The following DGCR2 variants were observed in gnomAD, a reference collection of about 807,000 sequenced individuals.
DGCR2 encodes integral membrane protein DGCR2/IDD.
Under a neutral mutation model 51.6 loss-of-function variants are expected in DGCR2, and 24 were observed. The ratio of observed to expected loss-of-function variants is 0.47; its 90% CI spans 0.34 to 0.65. The LOEUF (loss-of-function observed/expected upper bound fraction) is 0.65. Ranked by LOEUF, DGCR2 falls within the 30% of genes least tolerant of loss-of-function variation. The pLI is 0.01. For synonymous variants in DGCR2, 340 were observed against 315.4 expected, an observed-to-expected ratio of 1.08 and a Z score of -0.82; for missense variants, 765 against 772.1, an observed-to-expected ratio of 0.99 and a Z score of 0.11.
At chr22:19,092,295 G>T (rs1216388744) in intron 1 of DGCR2, among the ~76,000 whole-genome samples, 1 of 151,256 alleles carries the variant, frequency 6.6e-6, no homozygotes, top group Non-Finnish European at 1.5e-5. Context: ...AGGAAGCCAA[G>T]ATTACACAAC....
At chr22:19,113,135 G>C (rs1294376706) in intron 1 of DGCR2, among the ~76,000 whole-genome samples, 1 of 152,154 alleles carries the variant, frequency 6.6e-6, no homozygotes, top group Non-Finnish European at 1.5e-5. Flanking sequence ...ACTTTGGGAG[G>C]TGGAGGTAGG....
intron 4 of DGCR2, 56 bp from the exon 5 acceptor site, chr22:19,063,334 C>G (rs2082708439): frequency 6.5e-7 from 1 of 1,531,164 alleles, no homozygotes; most frequent in Non-Finnish European, 9.0e-7. Flanking sequence ...ATGCAACCAT[C>G]AATGACTGTG....
intron 2 of DGCR2, among the ~76,000 whole-genome samples, chr22:19,082,685 G>A (rs555982435): frequency 6.6e-6 from 1 of 152,080 alleles, no homozygotes; most frequent in Non-Finnish European, 1.5e-5. Context: ...AGGAGGTGGA[G>A]GTTGCAGTGA....
chr22:19,045,002 T>C (rs2082473399), intron 7 of DGCR2, among the ~76,000 whole-genome samples: 1 of 152,252 alleles, frequency 6.6e-6, no homozygotes, highest in East Asian at 1.9e-4. Context: ...GTCTGTTTTT[T>C]TTAAGGATCA....
At chr22:19,077,832 C>CT (rs141485718) in intron 2 of DGCR2, among the ~76,000 whole-genome samples, 38,996 of 143,416 alleles carry the variant, frequency 0.27, 5,845 homozygotes, top group African/African-American at 0.41. Context: ...TTATTTTTGT[C>CT]TTTTTTTTTT....
Position 19,038,993 on chromosome 22 carries a change from C to A in DGCR2, c.1525G>T (p.Asp509Tyr), listed in dbSNP as rs146601504. ...AGGGCGCTGCTGCTGTCGGCAGAGT[C>A]TTCCAGGTCTGCCAGAGAGGCCCCC... ...TAGASLADLE[D>Y]SADSSSALLV... The change falls in exon 10 of 10, where the codon GAC becomes TAC. Residue 509 changes from aspartate (D) to tyrosine (Y), a missense_variant. By Grantham distance (160) the Asp-to-Tyr change is radical (BLOSUM62 -3). Around this residue, in one of 3 missense-constraint regions of DGCR2, gnomAD observed 205 missense variants for 181.4 expected, o/e 1.13. Transcript: ENST00000263196. The A allele has an allele frequency of 3.4e-5, 55 of 1,611,948 alleles. No individual in the cohort carries two copies. The African/African-American group carries it at 6.7e-4, about 20-fold the overall frequency.
chr22:19,110,872 G>T (rs2083307102), intron 1 of DGCR2, among the ~76,000 whole-genome samples: 1 of 152,096 alleles, frequency 6.6e-6, no homozygotes, highest in African/African-American at 2.4e-5. Flanking sequence ...CCTATAAAAA[G>T]ACATCACATC....
At chr22:19,063,422 C>A (rs2082710085) in intron 4 of DGCR2, 144 bp from the exon 5 acceptor site, 1 of 729,888 alleles carries the variant, frequency 1.4e-6, no homozygotes, top group Non-Finnish European at 2.3e-6. Flanking sequence ...CTCACTGCAA[C>A]TTGACTTCCT....
At chr22:19,059,563 C>T (rs1048332972) in intron 5 of DGCR2, among the ~76,000 whole-genome samples, 1 of 152,088 alleles carries the variant, frequency 6.6e-6, no homozygotes. Flanking sequence ...AGCAGTTCCT[C>T]GTGCAGAGCC....
chr22:19,076,724 A>ATTTTTTTTTTT (rs1165827499), intron 2 of DGCR2, among the ~76,000 whole-genome samples: 9 of 79,936 alleles, frequency 1.1e-4, no homozygotes, highest in Admixed American at 1.7e-4. Context: ...TCCTTTGCAC[A>ATTTTTTTTTTT]TTTTTTTTTT....
chr22:19,084,922 G>A (rs1303345102), intron 2 of DGCR2, among the ~76,000 whole-genome samples: 1 of 152,148 alleles, frequency 6.6e-6, no homozygotes, highest in Non-Finnish European at 1.5e-5. Context: ...ACCCCATCTG[G>A]GAGGTGTACC....
At chr22:19,039,693 T>G (rs1395137219) in intron 9 of DGCR2, among the ~76,000 whole-genome samples, 1 of 152,148 alleles carries the variant, frequency 6.6e-6, no homozygotes, top group African/African-American at 2.4e-5. Context: ...CGACTCGCTT[T>G]GTTTTGCCCG....
chr22:19,058,523 C>A (rs1482475714), intron 5 of DGCR2, among the ~76,000 whole-genome samples: 1 of 152,224 alleles, frequency 6.6e-6, no homozygotes, highest in Non-Finnish European at 1.5e-5. Context: ...CCTCATCTCC[C>A]ACAGATGCCT....
At chr22:19,066,797 G>A (rs573253559) in intron 3 of DGCR2, among the ~76,000 whole-genome samples, 1 of 152,340 alleles carries the variant, frequency 6.6e-6, no homozygotes, top group Non-Finnish European at 1.5e-5. Context: ...TACCCAGGCA[G>A]AAGTGCTGCC....
intron 5 of DGCR2, among the ~76,000 whole-genome samples, chr22:19,059,702 C>T (rs771348773): frequency 3.3e-5 from 5 of 152,010 alleles, no homozygotes; most frequent in Non-Finnish European, 5.9e-5. Flanking sequence ...ATGAGGTGTG[C>T]GCAGGACTCT....
At chr22:19,114,371 A>G (rs1216037417) in intron 1 of DGCR2, among the ~76,000 whole-genome samples, 1 of 152,240 alleles carries the variant, frequency 6.6e-6, no homozygotes, top group Non-Finnish European at 1.5e-5. Flanking sequence ...ATGGCTTACC[A>G]TGCTGGTCTA....
chr22:19,118,738 C>A (rs142390423), intron 1 of DGCR2, among the ~76,000 whole-genome samples: 275 of 152,334 alleles, frequency 1.8e-3, no homozygotes, highest in African/African-American at 6.3e-3. Flanking sequence ...TTTTTCTCAG[C>A]TATGTATGGT....
chr22:19,051,720 T>C (rs1482814992), intron 6 of DGCR2, among the ~76,000 whole-genome samples: 6 of 152,176 alleles, frequency 3.9e-5, no homozygotes, highest in African/African-American at 2.4e-5. Context: ...AGCAAGACCC[T>C]TTCTCAAAAC....
chr22:19,114,160 A>C (rs1399412397), intron 1 of DGCR2, among the ~76,000 whole-genome samples: 5 of 152,010 alleles, frequency 3.3e-5, no homozygotes, highest in Non-Finnish European at 5.9e-5. Context: ...AGGAAAAAAA[A>C]AAAAAAGAAT....
Sources: allele counts gnomAD v4.1 joint callset (sites outside exome capture counted in the v4.1 genomes callset), GRCh38; gene constraint gnomAD v4.1.1; regional missense constraint gnomAD v4.1.1; transcripts MANE v1.5; gene names NCBI Gene and HGNC (gene_info 2026-07-23, HGNC 2026-07-21).